The following DRC8 variants were observed in gnomAD, a reference collection of about 807,000 sequenced individuals.
DRC8 encodes the protein dynein regulatory complex subunit 8.
At chr1:245,056,019 C>G in the DRC8 span, among the ~76,000 whole-genome samples, 2 of 152,102 alleles carry the variant, frequency 1.3e-5, no homozygotes, top group African/African-American at 4.8e-5. Context: ...TCCTCCTGCC[C>G]CAGCCTTCCT....
chr1:245,004,933 A>G, the DRC8 span, among the ~76,000 whole-genome samples: 3 of 152,242 alleles, frequency 2.0e-5, no homozygotes, highest in Non-Finnish European at 4.4e-5. Context: ...ATATGTACAC[A>G]TAATGTGCTA....
the DRC8 span, among the ~76,000 whole-genome samples, chr1:245,079,347 CA>C: frequency 1.3e-5 from 2 of 152,130 alleles, no homozygotes. Flanking sequence ...GTAAAAACAA[CA>C]ATAACAAAGA....
the DRC8 span, among the ~76,000 whole-genome samples, chr1:245,067,679 C>T: frequency 4.0e-5 from 6 of 151,892 alleles, no homozygotes; most frequent in South Asian, 2.1e-4. Flanking sequence ...ACAAGATCCA[C>T]GTAATCTACA....
chr1:245,091,575 C>A, the DRC8 span: 1 of 152,344 alleles, frequency 6.6e-6, no homozygotes, highest in South Asian at 2.1e-4. Context: ...AGGGTTCTTT[C>A]AAAAGTTCGG....
the DRC8 span, among the ~76,000 whole-genome samples, chr1:245,067,166 G>T: frequency 2.0e-5 from 3 of 151,802 alleles, no homozygotes; most frequent in South Asian, 6.3e-4. Flanking sequence ...TCACTTTGTC[G>T]CCCAGGTTGG....
chr1:244,995,147 A>C, the DRC8 span, among the ~76,000 whole-genome samples: 1 of 151,818 alleles, frequency 6.6e-6, no homozygotes, highest in African/African-American at 2.4e-5. Flanking sequence ...CAGATCATGA[A>C]ATCAGGAGAT....
chr1:244,980,413 A>G, the DRC8 span, among the ~76,000 whole-genome samples: 11 of 152,160 alleles, frequency 7.2e-5, no homozygotes, highest in African/African-American at 2.7e-4. Flanking sequence ...AGACAATCAT[A>G]TTTGTTGTCT....
the DRC8 span, among the ~76,000 whole-genome samples, chr1:244,973,612 C>T: frequency 6.6e-6 from 1 of 152,158 alleles, no homozygotes; most frequent in African/African-American, 2.4e-5. Context: ...TCTTCTATTC[C>T]ATCTGGCTCA....
chr1:245,003,260 GTATC>G, the DRC8 span, among the ~76,000 whole-genome samples: 8,620 of 152,262 alleles, frequency 0.057, 352 homozygotes, highest in South Asian at 0.11. Flanking sequence ...TGGTGTGTAA[GTATC>G]TGTTCGAGTT....
the DRC8 span, among the ~76,000 whole-genome samples, chr1:244,971,401 G>A: frequency 9.2e-5 from 14 of 152,354 alleles, no homozygotes; most frequent in African/African-American, 3.1e-4. Context: ...TCGATGTGTT[G>A]TCTGTGCGGA....
chr1:245,011,862 T>C, the DRC8 span, among the ~76,000 whole-genome samples: 1 of 152,210 alleles, frequency 6.6e-6, no homozygotes, highest in Non-Finnish European at 1.5e-5. Flanking sequence ...CATATAAATA[T>C]TATATATAAA....
chr1:245,106,129 A>G, the DRC8 span, among the ~76,000 whole-genome samples: 1 of 152,322 alleles, frequency 6.6e-6, no homozygotes, highest in South Asian at 2.1e-4. Flanking sequence ...GGGCCTTAAA[A>G]TTGCCTGTAT....
chr1:245,087,137 G>T, the DRC8 span: 3 of 1,486,564 alleles, frequency 2.0e-6, no homozygotes, highest in Non-Finnish European at 2.7e-6. Flanking sequence ...AGCGTAACTA[G>T]TGGCACTGTG....
At chr1:245,086,765 G>T in the DRC8 span, 1 of 533,380 alleles carries the variant, frequency 1.9e-6, no homozygotes, top group African/African-American at 1.9e-5. Context: ...TCTAGAGACA[G>T]GTAAGCTAAG....
chr1:245,078,051 G>T, the DRC8 span, among the ~76,000 whole-genome samples: 1 of 151,926 alleles, frequency 6.6e-6, no homozygotes, highest in African/African-American at 2.4e-5. Context: ...CGGAAAAAAG[G>T]ACCTGACATT....
chr1:245,007,394 T>C, the DRC8 span, among the ~76,000 whole-genome samples: 1 of 152,298 alleles, frequency 6.6e-6, no homozygotes, highest in African/African-American at 2.4e-5. Context: ...ATGGAGACAT[T>C]TGAATATGGA....
chr1:244,975,562 T>G, the DRC8 span, among the ~76,000 whole-genome samples: 3 of 152,218 alleles, frequency 2.0e-5, no homozygotes, highest in African/African-American at 7.2e-5. Context: ...CCTGCCACAG[T>G]GCCTGGCATC....
At chr1:245,006,023 G>C in the DRC8 span, among the ~76,000 whole-genome samples, 1 of 152,188 alleles carries the variant, frequency 6.6e-6, no homozygotes, top group Non-Finnish European at 1.5e-5. Context: ...TAGTGCATCT[G>C]TGTGGAAAAG....
At chr1:245,114,386 A>C in the DRC8 span, among the ~76,000 whole-genome samples, 1 of 151,422 alleles carries the variant, frequency 6.6e-6, no homozygotes, top group East Asian at 1.9e-4. Flanking sequence ...AATTGCTTGA[A>C]ACCCGGAGGC....
Sources: allele counts gnomAD v4.1 joint callset (sites outside exome capture counted in the v4.1 genomes callset), GRCh38; gene constraint gnomAD v4.1.1; transcripts MANE v1.5; gene names NCBI Gene and HGNC (gene_info 2026-07-23, HGNC 2026-07-21).